The following UGT1A10 variants were observed in gnomAD, a reference collection of about 807,000 sequenced individuals.
The protein encoded by UGT1A10 is UDP-glucuronosyltransferase 1A10.
A neutral mutation model predicts 45.8 loss-of-function variants in UGT1A10; 49 were observed. That is an observed-to-expected ratio of 1.07 (90% confidence interval 0.85 to 1.36). UGT1A10 has a LOEUF of 1.36. UGT1A10 is among the 40% of genes most tolerant of loss of function. The probability of loss-of-function intolerance (pLI) is 0.00; values close to 1 mark genes in which losing one functional copy is unlikely to be tolerated. For missense variants in UGT1A10, 745 were observed against 668.6 expected (o/e 1.11, Z -1.26); for synonymous variants, 284 against 249.7 (o/e 1.14, Z -1.29).
intron 1 of UGT1A10, among the ~76,000 whole-genome samples, chr2:233,659,205 T>C (rs541565986): frequency 6.6e-6 from 1 of 152,336 alleles, no homozygotes; most frequent in Non-Finnish European, 1.5e-5. Context: ...AATTTGCAAT[T>C]GTTCATTGCT....
Position 233,724,954 on chromosome 2 carries a change from C to T in UGT1A10, c.856-42080C>T, listed in dbSNP as rs544768388. Among the ~76,000 whole-genome samples, 7 of 144,024 alleles carry T rather than the reference C, an allele frequency of 4.9e-5. No homozygotes were observed. In the South Asian group the frequency reaches 7.3e-4, roughly 15 times the overall value. 94.5% of individuals were successfully genotyped at this position (144,024 alleles called of 152,430 possible). Reference sequence around the variant, plus strand: ...GACTCCGTCTGCAATCCCGGCACCTCGGGAGGCCGAGGTTGGCGGATCACT... The same window carrying T: ...GACTCCGTCTGCAATCCCGGCACCTTGGGAGGCCGAGGTTGGCGGATCACT... On this transcript the variant is annotated intron_variant, in intron 1 of 4. Transcript: ENST00000344644.
At chr2:233,740,213 C>T (rs984335401) in intron 1 of UGT1A10, among the ~76,000 whole-genome samples, 14 of 151,922 alleles carry the variant, frequency 9.2e-5, no homozygotes, top group Middle Eastern at 3.4e-3. Flanking sequence ...TACCCAGTCT[C>T]AGCTGCGTCT....
intron 1 of UGT1A10, among the ~76,000 whole-genome samples, chr2:233,662,970 T>C (rs2074005103): frequency 6.6e-6 from 1 of 152,218 alleles, no homozygotes; most frequent in African/African-American, 2.4e-5. Flanking sequence ...TATCATTAAT[T>C]ATGGTGAAAT....
At chr2:233,655,709 C>T (rs2073839046) in intron 1 of UGT1A10, among the ~76,000 whole-genome samples, 1 of 152,176 alleles carries the variant, frequency 6.6e-6, no homozygotes, top group Non-Finnish European at 1.5e-5. Flanking sequence ...TCTCTGGCCT[C>T]AGGGTGCCTG....
intron 1 of UGT1A10, among the ~76,000 whole-genome samples, chr2:233,758,968 C>T (rs1224363949): frequency 6.6e-6 from 1 of 152,170 alleles, no homozygotes; most frequent in Non-Finnish European, 1.5e-5. Context: ...AATGCCTTTC[C>T]CCTGGATCTT....
chr2:233,751,728 CCTCT>C (rs1694798514), intron 1 of UGT1A10, among the ~76,000 whole-genome samples: 2 of 152,164 alleles, frequency 1.3e-5, no homozygotes, highest in South Asian at 2.1e-4. Flanking sequence ...GTGAACTCTT[CCTCT>C]CTGTTTCTCT....
chr2:233,761,274 T>A, intron 1 of UGT1A10: 3 of 1,580,366 alleles, frequency 1.9e-6, no homozygotes, highest in Non-Finnish European at 2.6e-6. Flanking sequence ...TGCCCTCTTT[T>A]GTTAATTTTT....
rs546167427 is a variant in UGT1A10 at position 233,696,575 on chromosome 2, A to C, written c.855+59198A>C. On this transcript the variant is annotated intron_variant, in intron 1 of 4. Transcript: ENST00000344644. ...ATTATGTCATCTGAGAACAAGAATA[A>C]TTTGACTTCTTCCTTTCCAACTTGG... is the stretch of plus-strand genomic sequence containing the variant. 7.2e-5 allele frequency among the ~76,000 whole-genome samples: 11 copies of C among 151,962 alleles called. No individual in the cohort carries two copies. The South Asian group carries it at 1.3e-3, about 17-fold the overall frequency.
intron 1 of UGT1A10, chr2:233,744,073 C>T (rs1340911345): frequency 3.6e-5 from 17 of 475,584 alleles, no homozygotes; most frequent in South Asian, 1.4e-4. Flanking sequence ...ATGAGCGCCT[C>T]GCATCCCAAG....
At chr2:233,719,756 C>A in intron 1 of UGT1A10, 2 of 1,612,434 alleles carry the variant, frequency 1.2e-6, no homozygotes, top group Non-Finnish European at 1.7e-6. Context: ...TATTTACTTA[C>A]AAGTGCTTCC....
intron 1 of UGT1A10, among the ~76,000 whole-genome samples, chr2:233,700,896 C>CG (rs2075597942): frequency 6.6e-6 from 1 of 151,952 alleles, no homozygotes; most frequent in Non-Finnish European, 1.5e-5. Flanking sequence ...CAACAGTCCC[C>CG]GGTGTGTGAC....
intron 1 of UGT1A10, among the ~76,000 whole-genome samples, chr2:233,646,270 G>A (rs948211008): frequency 7.9e-5 from 12 of 152,208 alleles, no homozygotes; most frequent in African/African-American, 2.9e-4. Flanking sequence ...AGGCCTCCAG[G>A]CCTGTGATGG....
chr2:233,724,981 G>A lies in UGT1A10; in HGVS notation c.856-42053G>A, dbSNP rs528946654. Among the ~76,000 whole-genome samples, 6 of 134,964 alleles carry A rather than the reference G, an allele frequency of 4.4e-5. 1 individual carries two copies. Among genetic ancestry groups the A allele is most frequent in the South Asian group, 2.4e-4 (1 of 4,092 alleles). The allele number at this position is 134,964 out of a possible 152,430, so 88.5% of individuals were successfully genotyped here. On this transcript the variant is annotated intron_variant, in intron 1 of 4. Transcript: ENST00000344644. ...GGAGGCCGAGGTTGGCGGATCACTC[G>A]CGGTTAGGGGCTGGAGACCGGCCCG...
chr2:233,690,043 T>C (rs2074972825), intron 1 of UGT1A10: 1 of 410,506 alleles, frequency 2.4e-6, no homozygotes, highest in Admixed American at 3.0e-5. Flanking sequence ...GCCCAGAGCA[T>C]TCTGACTTCT....
At chr2:233,687,001 A>G (rs1049293019) in intron 1 of UGT1A10, among the ~76,000 whole-genome samples, 2 of 152,224 alleles carry the variant, frequency 1.3e-5, no homozygotes, top group Non-Finnish European at 2.9e-5. Flanking sequence ...TGGTTTCAAC[A>G]CTAGAGGACT....
Position 233,767,173 on chromosome 2 carries a change from G to T in UGT1A10, c.987+8G>T. 1.2e-6 allele frequency: 2 copies of T among 1,614,058 alleles called. No individual in the cohort carries two copies. The highest frequency in any genetic ancestry group is 1.7e-6 in the Non-Finnish European group (2 of 1,180,002). ...GGCAAAATCCCTCAGACAGTAAGAA[G>T]ATTCTATACCATGGCCTCATATCTA... On this transcript the variant is annotated splice_region_variant and intron_variant, in intron 2 of 4. Coordinates refer to ENST00000344644, the MANE Select transcript of UGT1A10 (RefSeq NM_019075.4).
At chr2:233,640,644 C>CT (rs1331609909) in intron 1 of UGT1A10, among the ~76,000 whole-genome samples, 1 of 152,146 alleles carries the variant, frequency 6.6e-6, no homozygotes, top group Non-Finnish European at 1.5e-5. Flanking sequence ...AGAACAGTCT[C>CT]TTTTTTAGGC....
chr2:233,716,576 A>G, intron 1 of UGT1A10, among the ~76,000 whole-genome samples: 1 of 152,194 alleles, frequency 6.6e-6, no homozygotes. Flanking sequence ...TAAAAACAAT[A>G]CTTTCAAAGA....
At chr2:233,760,948 T>G (rs746225571) in intron 1 of UGT1A10, 7 of 1,614,204 alleles carry the variant, frequency 4.3e-6, no homozygotes, top group Non-Finnish European at 5.9e-6. Flanking sequence ...TTCACAGAAC[T>G]TTCTGTGCGA....
Sources: gnomAD v4.1 joint callset for allele counts (sites outside exome capture counted in the v4.1 genomes callset) on GRCh38, gnomAD v4.1.1 for gene constraint, MANE v1.5 for transcripts, NCBI Gene and HGNC (gene_info 2026-07-23, HGNC 2026-07-21) for gene names.